Variants in SLC16A7 observed in about 807,000 individuals in gnomAD.
SLC16A7 encodes the protein monocarboxylate transporter 2.
A neutral mutation model predicts 34.9 loss-of-function variants in SLC16A7; 33 were observed. The ratio of observed to expected loss-of-function variants is 0.94; its 90% CI spans 0.72 to 1.26. The LOEUF (loss-of-function observed/expected upper bound fraction) is 1.26, where lower values mean the gene tolerates loss of function less well. Ranked by LOEUF, SLC16A7 falls within the 50% of genes most tolerant of loss-of-function variation. The probability of loss-of-function intolerance (pLI) is 0.00; values close to 1 mark genes in which losing one functional copy is unlikely to be tolerated. For missense variants in SLC16A7, 573 were observed against 578.1 expected, an observed-to-expected ratio of 0.99 and a Z score of 0.09; for synonymous variants, 201 against 206.6, an observed-to-expected ratio of 0.97 and a Z score of 0.23.
chr12:59,597,734 T>C (rs1878489717), intron 1 of SLC16A7, among the ~76,000 whole-genome samples: 1 of 152,148 alleles, frequency 6.6e-6, no homozygotes, highest in African/African-American at 2.4e-5. Context: ...GCAATCCAAG[T>C]GAGGGACTGA....
intron 3 of SLC16A7, among the ~76,000 whole-genome samples, chr12:59,744,769 A>T (rs905019332): frequency 1.3e-5 from 2 of 152,104 alleles, no homozygotes; most frequent in Non-Finnish European, 2.9e-5. Flanking sequence ...CACCTCCTAG[A>T]CACTGCTGCA....
At chr12:59,639,591 TG>T (rs1218333080) in intron 1 of SLC16A7, among the ~76,000 whole-genome samples, 1 of 152,058 alleles carries the variant, frequency 6.6e-6, no homozygotes, top group Non-Finnish European at 1.5e-5. Context: ...CTCCCGATAT[TG>T]CCCAAGTTAG....
chr12:59,715,701 G>C (rs1874821031), intron 3 of SLC16A7, among the ~76,000 whole-genome samples: 2 of 152,134 alleles, frequency 1.3e-5, no homozygotes, highest in South Asian at 4.1e-4. Context: ...AGAACTGAGA[G>C]TATTGATTTT....
At chr12:59,702,762 G>A (rs1873040782) in intron 2 of SLC16A7, among the ~76,000 whole-genome samples, 1 of 152,040 alleles carries the variant, frequency 6.6e-6, no homozygotes, top group Admixed American at 6.6e-5. Flanking sequence ...CTATGGATAT[G>A]CAGAGAGGAT....
chr12:59,718,624 G>A (rs1334030049), intron 3 of SLC16A7, among the ~76,000 whole-genome samples: 1 of 152,072 alleles, frequency 6.6e-6, no homozygotes, highest in Non-Finnish European at 1.5e-5. Flanking sequence ...TGGCTATCTG[G>A]GTGAAGATGT....
At chr12:59,755,968 C>G (rs1456966979) in intron 3 of SLC16A7, among the ~76,000 whole-genome samples, 1 of 152,166 alleles carries the variant, frequency 6.6e-6, no homozygotes, top group African/African-American at 2.4e-5. Context: ...CTACAACTAT[C>G]TGATCTTGGA....
chr12:59,737,724 C>A (rs1163729988), intron 3 of SLC16A7, among the ~76,000 whole-genome samples: 1 of 152,150 alleles, frequency 6.6e-6, no homozygotes, highest in Non-Finnish European at 1.5e-5. Context: ...GTCCCTGTTA[C>A]ACAATTTTCC....
At chr12:59,650,199 G>T (rs1868318606) in intron 1 of SLC16A7, among the ~76,000 whole-genome samples, 1 of 151,722 alleles carries the variant, frequency 6.6e-6, no homozygotes. Context: ...ATTTAAATTG[G>T]GTCTGTAGAT....
Position 59,704,756 on chromosome 12 carries a change from C to G in SLC16A7, c.-30-16C>G, listed in dbSNP as rs1873367034. 1.5e-6 allele frequency: 2 copies of G among 1,304,960 alleles called. No individual in the cohort carries two copies. Among genetic ancestry groups the G allele is most frequent in the Non-Finnish European group, 2.2e-6 (2 of 922,754 alleles). 80.8% of individuals were successfully genotyped at this position (1,304,960 alleles called of 1,614,324 possible). On this transcript the variant is annotated splice_polypyrimidine_tract_variant and intron_variant, in intron 2 of 5. Transcript: ENST00000547379. ...GGAAATAAAATTTAAACTGTTATTT[C>G]ATTATTTTAATATAGGTTACTTGAA...
chr12:59,719,889 C>T lies in SLC16A7; in HGVS notation c.217+14871C>T, dbSNP rs1447568919. 9.7e-6 allele frequency: 5 copies of T among 516,316 alleles called. No individual in the cohort carries two copies. In the African/African-American group the frequency reaches 1.0e-4, roughly 10 times the overall value. 32.0% of individuals were successfully genotyped at this position (516,316 alleles called of 1,614,324 possible). A position where few individuals can be genotyped will look rare whatever the true frequency, so the allele number is the denominator to read the frequency against. ...GGAGTGGCCCAAAATAGACAATTTT[C>T]CGTGGTCCACTGGAAAGTTGGCATT... On this transcript the variant is annotated intron_variant, in intron 3 of 5. Coordinates refer to ENST00000547379, the MANE Select transcript of SLC16A7 (RefSeq NM_001270623.2).
Position 59,648,038 on chromosome 12 carries a change from AGT to A in SLC16A7, c.-129-7112_-129-7111del, listed in dbSNP as rs1868278437. Among the ~76,000 whole-genome samples the A allele has an allele frequency of 4.6e-5, 7 of 152,272 alleles. No individual in the cohort carries two copies. In the South Asian group the frequency reaches 1.2e-3, roughly 27 times the overall value. On this transcript the variant is annotated intron_variant, in intron 1 of 5. Transcript: ENST00000547379. ...CACTGCACTCCAACCTGGGTGACAG[AGT>A]GAGACCTTGTCTCAACAACAACAAG...
At chr12:59,609,143 T>C (rs568100466) in intron 1 of SLC16A7, among the ~76,000 whole-genome samples, 1 of 152,348 alleles carries the variant, frequency 6.6e-6, no homozygotes, top group Non-Finnish European at 1.5e-5. Context: ...GGTATCCCTA[T>C]GTGGTACAGA....
intron 3 of SLC16A7, among the ~76,000 whole-genome samples, chr12:59,732,068 A>G (rs1245489833): frequency 2.0e-5 from 3 of 151,890 alleles, no homozygotes; most frequent in Admixed American, 2.0e-4. Flanking sequence ...TATATATTAT[A>G]TATATATTTC....
At chr12:59,630,633 A>G (rs1419629223) in intron 1 of SLC16A7, among the ~76,000 whole-genome samples, 1 of 151,936 alleles carries the variant, frequency 6.6e-6, no homozygotes, top group African/African-American at 2.4e-5. Context: ...AAATTGCACT[A>G]TGAGAAAACC....
At chr12:59,667,258 C>T (rs1046889651) in intron 2 of SLC16A7, among the ~76,000 whole-genome samples, 4 of 152,072 alleles carry the variant, frequency 2.6e-5, no homozygotes, top group African/African-American at 9.7e-5. Context: ...ACAGCCAAAC[C>T]ATATCAGGAG....
At position 59,785,419 on chromosome 12, in the gene SLC16A7, C is replaced by T. The variant is rs1265260463; in HGVS notation, c.*5740C>T. Reference sequence around the variant, plus strand: ...ATTTTAAAAGTCTCTACCTTAAGAGCAAAATTAATATTGCAAAATGAATTT... The same window carrying T: ...ATTTTAAAAGTCTCTACCTTAAGAGTAAAATTAATATTGCAAAATGAATTT... On this transcript the variant is annotated 3_prime_UTR_variant, in exon 6 of 6. Transcript: ENST00000547379. The T allele has an allele frequency of 6.6e-6, 1 of 152,056 alleles. No homozygotes were observed. Among genetic ancestry groups the T allele is most frequent in the African/African-American group, 2.4e-5 (1 of 41,416 alleles). 9.4% of individuals were successfully genotyped at this position (152,056 alleles called of 1,614,324 possible). A position where few individuals can be genotyped will look rare whatever the true frequency, so the allele number is the denominator to read the frequency against.
intron 3 of SLC16A7, chr12:59,763,986 T>A (rs1185885599): frequency 6.6e-6 from 1 of 152,150 alleles, no homozygotes; most frequent in Non-Finnish European, 1.5e-5. Context: ...ACAACAGTAT[T>A]GAAATTAGGC....
At chr12:59,690,883 C>A (rs949758730) in intron 2 of SLC16A7, among the ~76,000 whole-genome samples, 3 of 151,784 alleles carry the variant, frequency 2.0e-5, no homozygotes, top group East Asian at 3.9e-4. Flanking sequence ...GGATCGATTT[C>A]TCTTTCCTCA....
chr12:59,708,607 C>T (rs1056524032), intron 3 of SLC16A7, among the ~76,000 whole-genome samples: 2 of 152,078 alleles, frequency 1.3e-5, no homozygotes, highest in South Asian at 2.1e-4. Context: ...ATGCTAATTG[C>T]ATTAGCCTAG....
Sources: gnomAD v4.1 joint callset for allele counts (sites outside exome capture counted in the v4.1 genomes callset) on GRCh38, gnomAD v4.1.1 for gene constraint, MANE v1.5 for transcripts, NCBI Gene and HGNC (gene_info 2026-07-23, HGNC 2026-07-21) for gene names.